Variants in PALS1 observed in about 807,000 individuals in gnomAD.
PALS1 encodes the protein protein associated with LIN7 1, MAGUK p55 family member, also known as protein PALS1.
A neutral mutation model predicts 78.9 loss-of-function variants in PALS1; 31 were observed. The ratio of observed to expected loss-of-function variants is 0.39; its 90% CI spans 0.30 to 0.53. The LOEUF (loss-of-function observed/expected upper bound fraction) is 0.53. Among genes scored for constraint, PALS1 ranks in the 20% least tolerant of loss-of-function variants. The pLI is 0.67. For synonymous variants in PALS1, 276 were observed against 270.9 expected (o/e 1.02, Z -0.18); for missense variants, 704 against 826.5 (o/e 0.85, Z 1.82).
In PALS1 at chr14:67,332,880, C is replaced by T. The variant is rs1241801835; in HGVS notation, c.1952C>T (p.Ala651Val). 1 of 1,613,884 alleles carries T rather than the reference C, an allele frequency of 6.2e-7. No individual in the cohort carries two copies. The change falls in exon 15 of 15, where the codon GCC (alanine) becomes GTC (valine). Residue 651 changes from alanine (A) to valine (V), a missense_variant. Physicochemically the swap from Ala to Val is moderately conservative, Grantham distance 64 (BLOSUM62 0). Transcript: ENST00000261681. ...TAIVNSDLDK[A>V]YQELLRLINK... Reference sequence around the variant, plus strand: ...ATTGTGAATTCCGATCTTGATAAAGCCTATCAGGAATTGCTTAGGTTAATT... The same window carrying T: ...ATTGTGAATTCCGATCTTGATAAAGTCTATCAGGAATTGCTTAGGTTAATT...
intron 1 of PALS1, among the ~76,000 whole-genome samples, chr14:67,244,171 G>A (rs77200045): frequency 1.3e-5 from 2 of 152,232 alleles, no homozygotes; most frequent in Non-Finnish European, 2.9e-5. Context: ...AGAATTTTCA[G>A]TTTTTTAATA....
Position 67,281,672 on chromosome 14 carries a change from C to T in PALS1, c.367+2135C>T, listed in dbSNP as rs558845259. On this transcript the variant is annotated intron_variant, in intron 3 of 14. Transcript: ENST00000261681. The stretch of plus-strand genomic sequence containing the variant: ...CTTAGAATCAGGTGTAAGTATCCAT[C>T]TGATAGGTAATATTCATGTAATCAC... 1.4e-4 allele frequency among the ~76,000 whole-genome samples: 22 copies of T among 152,268 alleles called. No individual in the cohort carries two copies. The East Asian group carries it at 4.0e-3, about 28-fold the overall frequency.
intron 3 of PALS1, among the ~76,000 whole-genome samples, chr14:67,282,140 A>G (rs564824436): frequency 6.6e-6 from 1 of 152,296 alleles, no homozygotes; most frequent in South Asian, 2.1e-4. Flanking sequence ...TGCTATTGTC[A>G]GTCATAGCCT....
intron 8 of PALS1, among the ~76,000 whole-genome samples, chr14:67,311,603 A>T (rs540902422): frequency 5.3e-5 from 8 of 152,322 alleles, no homozygotes; most frequent in African/African-American, 1.9e-4. Context: ...TAATTCCTTT[A>T]TAACTTCTTA....
Position 67,333,270 on chromosome 14 carries a change from G to A in PALS1, c.*314G>A, listed in dbSNP as rs557327484. 76 of 198,618 alleles carry A rather than the reference G, an allele frequency of 3.8e-4. No individual in the cohort carries two copies. Among genetic ancestry groups the A allele is most frequent in the South Asian group, 6.1e-4 (4 of 6,606 alleles). The allele number at this position is 198,618 out of a possible 1,614,324, so 12.3% of individuals were successfully genotyped here. On this transcript the variant is annotated 3_prime_UTR_variant, in exon 15 of 15. Coordinates refer to ENST00000261681, the MANE Select transcript of PALS1 (RefSeq NM_022474.4). Reference sequence around the variant, plus strand: ...TCACCTAAACCCTTTCTGCTTAGTTGTATCTCTGTGAAAAACTTGTATACA... The same window carrying A: ...TCACCTAAACCCTTTCTGCTTAGTTATATCTCTGTGAAAAACTTGTATACA...
rs2085486027 is a variant in PALS1 at position 67,333,817 on chromosome 14, A to T, written c.*861A>T. 1 of 150,598 alleles carries T rather than the reference A, an allele frequency of 6.6e-6. No homozygotes were observed. The highest frequency in any genetic ancestry group is 2.1e-4 in the South Asian group (1 of 4,738). 9.3% of individuals were successfully genotyped at this position (150,598 alleles called of 1,614,324 possible). A position where few individuals can be genotyped will look rare whatever the true frequency, so the allele number is the denominator to read the frequency against. On this transcript the variant is annotated 3_prime_UTR_variant, in exon 15 of 15. Coordinates refer to ENST00000261681, the MANE Select transcript of PALS1 (RefSeq NM_022474.4). Reference sequence around the variant, plus strand: ...TGTTCATTATAATCTGTATTGACTTAAAAAGTTTCTTCCTCATGATGCTAA... The same window carrying T: ...TGTTCATTATAATCTGTATTGACTTTAAAAGTTTCTTCCTCATGATGCTAA...
intron 3 of PALS1, among the ~76,000 whole-genome samples, chr14:67,285,595 T>TC (rs138525810): frequency 0.15 from 23,451 of 151,940 alleles, 3,412 homozygotes; most frequent in East Asian, 0.42. Context: ...GGTCTCGATC[T>TC]CTGATCTCCT....
In PALS1 at chr14:67,312,518, A is replaced by T; in HGVS notation, c.1042-9A>T. 6.6e-7 allele frequency: 1 copy of T among 1,518,420 alleles called. No homozygotes were observed. Among genetic ancestry groups the T allele is most frequent in the Admixed American group, 2.0e-5 (1 of 51,266 alleles). The allele number at this position is 1,518,420 out of a possible 1,614,324, so 94.1% of individuals were successfully genotyped here. On this transcript the variant is annotated splice_polypyrimidine_tract_variant and intron_variant, in intron 8 of 14. Coordinates refer to ENST00000261681, the MANE Select transcript of PALS1 (RefSeq NM_022474.4). ...ATTTATTGTTGTTTTTGCCCTTTTT[A>T]TCTTTTAGATCCATGTAAAAGCTCA...
rs1206320581 is a variant in PALS1, at chr14:67,334,716, GTC to G, written c.*1764_*1765del. ...GAGGGAAGGAATGCCATACACTACT[GTC>G]TCTTCAGATCTGAAATACTCCAGTT... is the stretch of plus-strand genomic sequence containing the variant. On this transcript the variant is annotated 3_prime_UTR_variant, in exon 15 of 15. Transcript: ENST00000261681. The G allele has an allele frequency of 6.6e-6, 1 of 152,168 alleles. No homozygotes were observed. Among genetic ancestry groups the G allele is most frequent in the East Asian group, 1.9e-4 (1 of 5,200 alleles). 9.4% of individuals were successfully genotyped at this position (152,168 alleles called of 1,614,324 possible). A position where few individuals can be genotyped will look rare whatever the true frequency, so the allele number is the denominator to read the frequency against.
At chr14:67,268,952 G>A (rs2084371244) in intron 1 of PALS1, among the ~76,000 whole-genome samples, 1 of 152,126 alleles carries the variant, frequency 6.6e-6, no homozygotes, top group South Asian at 2.1e-4. Context: ...AGTATATTTA[G>A]AGTTGTGCAA....
Position 67,279,445 on chromosome 14 carries a change from A to T in PALS1, c.275A>T (p.Gln92Leu), listed in dbSNP as rs2084568766. The T allele has an allele frequency of 6.2e-7, 1 of 1,613,356 alleles. No individual in the cohort carries two copies. Among genetic ancestry groups the T allele is most frequent in the Non-Finnish European group, 8.5e-7 (1 of 1,179,752 alleles). Residue 92 changes from glutamine to leucine, a missense_variant, in exon 3 of 15, where the codon CAA becomes CTA. Physicochemically the swap from Gln to Leu is moderately radical, Grantham distance 113 (BLOSUM62 -2). Transcript: ENST00000261681. The stretch of plus-strand genomic sequence containing the variant: ...TCCATGAGACTTAAGAAACTAGCCC[A>T]AATTCCTCCAAAGACCGGAATAGAT... The part of the protein sequence containing the change: ...NSSMRLKKLA[Q>L]IPPKTGIDNP...
chr14:67,297,784 T>C (rs1284113714), intron 4 of PALS1, among the ~76,000 whole-genome samples: 1 of 152,210 alleles, frequency 6.6e-6, no homozygotes, highest in Non-Finnish European at 1.5e-5. Context: ...TTGAATTCAT[T>C]AAATATTTCA....
At chr14:67,299,507 G>T (rs8017279) in intron 4 of PALS1, among the ~76,000 whole-genome samples, 3,002 of 152,076 alleles carry the variant, frequency 0.02, 39 homozygotes, top group Middle Eastern at 0.034. Context: ...TGCCTCTGAA[G>T]GAAAACAAGG....
intron 9 of PALS1, among the ~76,000 whole-genome samples, chr14:67,315,714 T>G (rs1256241541): frequency 1.3e-5 from 2 of 152,140 alleles, no homozygotes; most frequent in East Asian, 1.9e-4. Flanking sequence ...CACCTGAGAT[T>G]AGGAGTTTAA....
At chr14:67,303,624 A>G in intron 8 of PALS1, 25 bp downstream of exon 8, 3 of 1,557,510 alleles carry the variant, frequency 1.9e-6, no homozygotes, top group Non-Finnish European at 2.7e-6. Flanking sequence ...AATGTTCATT[A>G]TTTATGTGTT....
rs2141074161 is a variant in PALS1 at position 67,333,460 on chromosome 14, T to C, written c.*504T>C. The C allele has an allele frequency of 6.5e-6, 1 of 152,768 alleles. No individual in the cohort carries two copies. Among genetic ancestry groups the C allele is most frequent in the South Asian group, 2.1e-4 (1 of 4,826 alleles). 9.5% of individuals were successfully genotyped at this position (152,768 alleles called of 1,614,324 possible). On this transcript the variant is annotated 3_prime_UTR_variant, in exon 15 of 15. Transcript: ENST00000261681. ...ACTAATTTAGTCATCAGAGATACTT[T>C]CCTAAAAAGGAAAAATAAAAAACAA... is the stretch of plus-strand genomic sequence containing the variant.
At chr14:67,242,195 T>C (rs561834712) in intron 1 of PALS1, among the ~76,000 whole-genome samples, 10 of 152,240 alleles carry the variant, frequency 6.6e-5, no homozygotes, top group Non-Finnish European at 1.5e-4. Flanking sequence ...CTAATGATCA[T>C]AACTCACCTT....
intron 1 of PALS1, among the ~76,000 whole-genome samples, chr14:67,259,948 C>T (rs72717366): frequency 0.031 from 4,615 of 151,208 alleles, 88 homozygotes; most frequent in Non-Finnish European, 0.036. Flanking sequence ...TCTACTTTAA[C>T]TTTCTGTTTA....
At chr14:67,247,421 T>A (rs924134703) in intron 1 of PALS1, among the ~76,000 whole-genome samples, 2 of 151,958 alleles carry the variant, frequency 1.3e-5, no homozygotes, top group African/African-American at 4.8e-5. Context: ...ATTTTAGTAA[T>A]TTTTTTTGGA....
Sources: allele counts gnomAD v4.1 joint callset (sites outside exome capture counted in the v4.1 genomes callset), GRCh38; gene constraint gnomAD v4.1.1; transcripts MANE v1.5; gene names NCBI Gene and HGNC (gene_info 2026-07-23, HGNC 2026-07-21).